Variants in JUP observed in about 807,000 individuals in gnomAD.
JUP encodes junction plakoglobin.
In JUP, 28 loss-of-function variants were observed where a neutral mutation model predicts 71.1. The ratio of observed to expected loss-of-function variants is 0.39; its 90% CI spans 0.29 to 0.54. The LOEUF (loss-of-function observed/expected upper bound fraction) is 0.54. JUP is among the 20% of genes least tolerant of loss of function. JUP has a pLI of 0.62. For synonymous variants in JUP, 401 were observed against 438.9 expected, an observed-to-expected ratio of 0.91 and a Z score of 1.08; for missense variants, 869 against 1,030.1, an observed-to-expected ratio of 0.84 and a Z score of 2.14.
chr17:41,780,706 CA>C (rs61104138), intron 1 of JUP, among the ~76,000 whole-genome samples: 119,660 of 145,140 alleles, frequency 0.82, 49,434 homozygotes, highest in Middle Eastern at 0.91. Context: ...AAAAACAAAC[CA>C]AAAAAAAAAA....
chr17:41,758,951 C>T lies in JUP; in HGVS notation c.1498-81G>A. 2.2e-6 allele frequency: 3 copies of T among 1,393,152 alleles called. No homozygotes were observed. In the South Asian group the frequency reaches 4.1e-5, roughly 19 times the overall value. The allele number at this position is 1,393,152 out of a possible 1,614,324, so 86.3% of individuals were successfully genotyped here. A position where few individuals can be genotyped will look rare whatever the true frequency, so the allele number is the denominator to read the frequency against. On this transcript the variant is annotated intron_variant, in intron 8 of 13. Coordinates refer to ENST00000393931, the MANE Select transcript of JUP (RefSeq NM_002230.4). ...AGCTTCCCAGCTTCAAGTATCCCTT[C>T]CCTCCTTCACCTCTTCTGTCCCCGA...
chr17:41,771,544 C>T, intron 2 of JUP, 103 bp downstream of exon 2: 1 of 1,090,070 alleles, frequency 9.2e-7, no homozygotes, highest in Non-Finnish European at 1.4e-6. Context: ...TGCCTCCTCC[C>T]TCAGACCAGA....
At chr17:41,784,349 C>T (rs1555611187) in intron 1 of JUP, among the ~76,000 whole-genome samples, 1 of 152,130 alleles carries the variant, frequency 6.6e-6, no homozygotes, top group Non-Finnish European at 1.5e-5. Context: ...GTCACCCAAG[C>T]TGGGGCTTGA....
intron 1 of JUP, among the ~76,000 whole-genome samples, chr17:41,782,864 G>A (rs374636184): frequency 2.6e-5 from 4 of 152,114 alleles, no homozygotes; most frequent in Admixed American, 1.3e-4. Context: ...GGGAGGCTGA[G>A]GCGGGCGGAT....
intron 1 of JUP, among the ~76,000 whole-genome samples, chr17:41,777,913 C>A (rs1597854577): frequency 6.6e-6 from 1 of 152,214 alleles, no homozygotes; most frequent in East Asian, 1.9e-4. Flanking sequence ...CTGGTGACCC[C>A]CGTGGGCAGA....
At chr17:41,769,367 G>A in intron 3 of JUP, 51 bp downstream of exon 3, 1 of 1,584,654 alleles carries the variant, frequency 6.3e-7, no homozygotes, top group Non-Finnish European at 8.6e-7. Context: ...GAGGACATCT[G>A]CTCTCTCCCC....
chr17:41,771,870 C>T lies in JUP; in HGVS notation c.-8-8G>A. The T allele has an allele frequency of 1.2e-6, 2 of 1,600,574 alleles. No individual in the cohort carries two copies. Among genetic ancestry groups the T allele is most frequent in the Non-Finnish European group, 1.7e-6 (2 of 1,173,418 alleles). ...TCACCTCCATCGTGGCTACTGGGGG[C>T]ACAAAGGAGGAAGTCAGGAAGCAGG... On this transcript the variant is annotated splice_region_variant and splice_polypyrimidine_tract_variant and intron_variant, in intron 1 of 13. Coordinates refer to ENST00000393931, the MANE Select transcript of JUP (RefSeq NM_002230.4).
chr17:41,781,356 CAAA>C (rs551922002), intron 1 of JUP, among the ~76,000 whole-genome samples: 1 of 120,352 alleles, frequency 8.3e-6, no homozygotes, highest in Admixed American at 8.7e-5. Flanking sequence ...GACTCCATCT[CAAA>C]AAAAAAAAAA....
At chr17:41,774,553 T>C (rs2143784624) in intron 1 of JUP, among the ~76,000 whole-genome samples, 1 of 152,072 alleles carries the variant, frequency 6.6e-6, no homozygotes, top group African/African-American at 2.4e-5. Flanking sequence ...AGGCTGGTCT[T>C]GAACTCCTGA....
At chr17:41,772,963 CTA>C in intron 1 of JUP, 1 of 985,548 alleles carries the variant, frequency 1.0e-6, no homozygotes, top group Non-Finnish European at 1.2e-6. Context: ...CCATGAGGGC[CTA>C]CTACGAGCCA....
chr17:41,755,113 C>T lies in JUP; in HGVS notation c.*631G>A, dbSNP rs1296788890. ...GAGAAAATCAGACCCAGAGAAGGAA[C>T]CAAAGCCCTTCCGGGCCCAGGCAGC... On this transcript the variant is annotated 3_prime_UTR_variant, in exon 14 of 14. Transcript: ENST00000393931. 5 of 396,566 alleles carry T rather than the reference C, an allele frequency of 1.3e-5. No homozygotes were observed. The highest frequency in any genetic ancestry group is 3.6e-5 in the East Asian group (1 of 27,994). 24.6% of individuals were successfully genotyped at this position (396,566 alleles called of 1,614,324 possible).
chr17:41,781,145 C>A (rs1242527303), intron 1 of JUP, among the ~76,000 whole-genome samples: 1 of 148,442 alleles, frequency 6.7e-6, no homozygotes, highest in African/African-American at 2.5e-5. Context: ...CGTGCCACTG[C>A]ACTCCAGCCT....
chr17:41,784,968 T>A (rs1211514137), intron 1 of JUP: 7 of 148,258 alleles, frequency 4.7e-5, no homozygotes, highest in African/African-American at 1.5e-4. Flanking sequence ...TCCCCAATTC[T>A]GGGTGGGGGG....
intron 1 of JUP, 190 bp from the exon 2 acceptor site, chr17:41,772,052 G>A (rs1046335501): frequency 1.5e-5 from 10 of 671,338 alleles, no homozygotes; most frequent in Middle Eastern, 3.9e-4. Flanking sequence ...TGCCCACGAC[G>A]AGATACCCTG....
At chr17:41,772,521 G>A (rs564738595) in intron 1 of JUP, among the ~76,000 whole-genome samples, 1 of 152,210 alleles carries the variant, frequency 6.6e-6, no homozygotes, top group Non-Finnish European at 1.5e-5. Context: ...GAGTCCCACA[G>A]AGCAATTCAA....
intron 1 of JUP, among the ~76,000 whole-genome samples, chr17:41,776,656 G>A (rs2046901059): frequency 6.6e-6 from 1 of 152,194 alleles, no homozygotes; most frequent in African/African-American, 2.4e-5. Context: ...AGGCTGCAGT[G>A]AGCCAGGATC....
At chr17:41,768,942 G>A (rs782209107) in intron 4 of JUP, 27 bp downstream of exon 4, 1 of 1,547,290 alleles carries the variant, frequency 6.5e-7, no homozygotes, top group African/African-American at 1.4e-5. Flanking sequence ...GGGGTCCTGG[G>A]CTCATGCAGT....
intron 1 of JUP, among the ~76,000 whole-genome samples, chr17:41,784,466 A>G (rs1489753863): frequency 1.3e-5 from 2 of 152,130 alleles, no homozygotes; most frequent in Non-Finnish European, 2.9e-5. Context: ...GTACTTCCTC[A>G]GTATTATCTT....
chr17:41,772,969 C>T (rs560023494), intron 1 of JUP: 4 of 985,388 alleles, frequency 4.1e-6, no homozygotes, highest in South Asian at 4.7e-5. Context: ...GGGCCTACTA[C>T]GAGCCAGACC....
Sources: allele counts gnomAD v4.1 joint callset (sites outside exome capture counted in the v4.1 genomes callset), GRCh38; gene constraint gnomAD v4.1.1; transcripts MANE v1.5; gene names NCBI Gene and HGNC (gene_info 2026-07-23, HGNC 2026-07-21).